Variants in ZFHX3 observed in about 807,000 individuals in gnomAD.
ZFHX3 encodes zinc finger homeobox protein 3.
A neutral mutation model predicts 279.1 loss-of-function variants in ZFHX3; 42 were observed. That is an observed-to-expected ratio of 0.15 (90% CI 0.12 to 0.19). ZFHX3 has a LOEUF of 0.19. Among genes scored for constraint, ZFHX3 ranks in the 10% least tolerant of loss-of-function variants. The probability of loss-of-function intolerance (pLI) is 1.00; values close to 1 mark genes in which losing one functional copy is unlikely to be tolerated. For missense variants in ZFHX3, 4,981 were observed against 4,754.0 expected (o/e 1.05, Z -1.40); for synonymous variants, 2,293 against 1,957.8 (o/e 1.17, Z -4.52).
At chr16:73,631,921 TCTCTCTCA>T (rs1186199006) in intron 2 of ZFHX3, among the ~76,000 whole-genome samples, 35 of 105,918 alleles carry the variant, frequency 3.3e-4, no homozygotes, top group African/African-American at 1.0e-3. Flanking sequence ...TCTCTCTCTC[TCTCTCTCA>T]CACACACACA....
At position 73,725,095 on chromosome 16, in the gene ZFHX3, G is replaced by A. The variant is rs1368037927; in HGVS notation, c.-1607-44855C>T. Among the ~76,000 whole-genome samples, 4 of 152,326 alleles carry A rather than the reference G, an allele frequency of 2.6e-5. No individual in the cohort carries two copies. In the East Asian group the frequency reaches 5.8e-4, roughly 22 times the overall value. Reference sequence around the variant, plus strand: ...CACCAGAAAGGGCCTCAGTCGAGATGTAGAAAGCAACTTTTTAACCGGCGT... The same window carrying A: ...CACCAGAAAGGGCCTCAGTCGAGATATAGAAAGCAACTTTTTAACCGGCGT... On this transcript the variant is annotated intron_variant, in intron 1 of 17. Transcript: ENST00000641206.
chr16:73,743,969 C>G lies in ZFHX3; in HGVS notation c.-1607-63729G>C, dbSNP rs150160987. Among the ~76,000 whole-genome samples the G allele has an allele frequency of 4.7e-3, 719 of 152,274 alleles. 1 individual carries two copies. Among genetic ancestry groups the G allele is most frequent in the Middle Eastern group, 6.8e-3 (2 of 294 alleles). On this transcript the variant is annotated intron_variant, in intron 1 of 17. Transcript: ENST00000641206. Reference sequence around the variant, plus strand: ...CATTAAGGATCCAGAATGACATCCTCTCTACATAACAGTCTTCATGCTCAA... The same window carrying G: ...CATTAAGGATCCAGAATGACATCCTGTCTACATAACAGTCTTCATGCTCAA...
chr16:73,665,808 CTTTTTTTT>C (rs527815602), intron 2 of ZFHX3, among the ~76,000 whole-genome samples: 2 of 90,514 alleles, frequency 2.2e-5, no homozygotes, highest in Non-Finnish European at 4.1e-5. Context: ...TCTTCAATAA[CTTTTTTTT>C]TTTTTTTTTT....
intron 1 of ZFHX3, among the ~76,000 whole-genome samples, chr16:73,782,424 G>A (rs1238797078): frequency 1.3e-5 from 2 of 152,146 alleles, no homozygotes; most frequent in African/African-American, 4.8e-5. Context: ...CATTATCCCT[G>A]GAAGCCTACT....
chr16:73,728,015 G>GCA (rs1555535413), intron 1 of ZFHX3, among the ~76,000 whole-genome samples: 8 of 75,484 alleles, frequency 1.1e-4, no homozygotes, highest in South Asian at 7.3e-4. Context: ...GCCGAATTGT[G>GCA]CCCCCCCCCC....
intron 2 of ZFHX3, among the ~76,000 whole-genome samples, chr16:73,636,850 T>G (rs942201306): frequency 6.6e-6 from 1 of 152,196 alleles, no homozygotes; most frequent in African/African-American, 2.4e-5. Flanking sequence ...TCTATAACTT[T>G]AGTATCACTA....
intron 1 of ZFHX3, among the ~76,000 whole-genome samples, chr16:72,990,217 G>A (rs759850516): frequency 1.3e-5 from 2 of 152,198 alleles, no homozygotes; most frequent in South Asian, 2.1e-4. Context: ...CAGTAAACCC[G>A]TCCCTTGGCA....
chr16:73,373,705 A>G (rs2016672899), intron 3 of ZFHX3, among the ~76,000 whole-genome samples: 1 of 152,236 alleles, frequency 6.6e-6, no homozygotes, highest in African/African-American at 2.4e-5. Context: ...TCTGTGCCTC[A>G]GGCCATGCCT....
At chr16:73,051,112 C>A (rs1965441746), upstream of ZFHX3, among the ~76,000 whole-genome samples, 1 of 152,208 alleles carries the variant, frequency 6.6e-6, no homozygotes, top group African/African-American at 2.4e-5. Context: ...TCCAGCGTAA[C>A]CTGGGCTCTC....
intron 5 of ZFHX3, among the ~76,000 whole-genome samples, chr16:73,251,653 A>T (rs981489574): frequency 3.3e-5 from 5 of 152,158 alleles, no homozygotes; most frequent in South Asian, 4.1e-4. Context: ...TAGGTTAGGG[A>T]CAAGAGTAAA....
intron 8 of ZFHX3, chr16:73,083,216 CA>C: frequency 6.6e-6 from 1 of 152,552 alleles, no homozygotes; most frequent in Non-Finnish European, 1.5e-5. Context: ...AAAAGCGAAA[CA>C]AAAAAACCCC....
chr16:72,811,578 G>A lies in ZFHX3; in HGVS notation c.3863C>T (p.Thr1288Met), dbSNP rs1395722106. The A allele has an allele frequency of 1.6e-5, 26 of 1,586,700 alleles. 1 individual carries two copies. Among genetic ancestry groups the A allele is most frequent in the South Asian group, 2.3e-5 (2 of 86,290 alleles). ...GGGTGCTGCTCCTGGCTGCCTTACC[G>A]TCATAATGAGCTTCTCCACGCAGTC... ...APDCVEKLIMTVTTPEMVMPS... is the reference protein window; with the variant it reads ...APDCVEKLIMMVTTPEMVMPS... The change falls in exon 7 of 10, where the codon ACG becomes ATG. Residue 1288 changes from threonine to methionine, a missense_variant and splice_region_variant. Around this residue, in one of 7 missense-constraint regions of ZFHX3, gnomAD observed 1,751 missense variants for 1,770.0 expected, o/e 0.99. Coordinates refer to ENST00000268489, the MANE Select transcript of ZFHX3 (RefSeq NM_006885.4).
intron 5 of ZFHX3, among the ~76,000 whole-genome samples, chr16:73,244,320 C>T (rs1049491284): frequency 2.0e-5 from 3 of 152,022 alleles, no homozygotes; most frequent in Non-Finnish European, 4.4e-5. Flanking sequence ...GGGTACAGGA[C>T]GCCTTCCACT....
At chr16:73,886,104 A>G (rs1379111384) in intron 1 of ZFHX3, among the ~76,000 whole-genome samples, 1 of 152,210 alleles carries the variant, frequency 6.6e-6, no homozygotes, top group Non-Finnish European at 1.5e-5. Flanking sequence ...CAAATCGTCA[A>G]TGACTTTTAA....
intron 7 of ZFHX3, among the ~76,000 whole-genome samples, chr16:73,126,342 G>A (rs925666700): frequency 6.6e-6 from 1 of 152,140 alleles, no homozygotes; most frequent in Non-Finnish European, 1.5e-5. Flanking sequence ...GGTGATGAGG[G>A]CTTGAATGAG....
chr16:73,271,747 C>A (rs2014150760), intron 4 of ZFHX3, among the ~76,000 whole-genome samples: 1 of 152,190 alleles, frequency 6.6e-6, no homozygotes, highest in Non-Finnish European at 1.5e-5. Context: ...TTGACACCTA[C>A]CCGTCTTCTG....
intron 2 of ZFHX3, chr16:73,554,434 T>C (rs1475423124): frequency 6.6e-6 from 1 of 152,184 alleles, no homozygotes; most frequent in East Asian, 1.9e-4. Context: ...AAACCAGACG[T>C]ATATGAATAA....
chr16:73,682,938 G>C (rs1482625902), intron 1 of ZFHX3, among the ~76,000 whole-genome samples: 2 of 20,156 alleles, frequency 9.9e-5, no homozygotes, highest in South Asian at 5.0e-3. Flanking sequence ...AAGAAAGAAA[G>C]AAAGAAAGAA....
intron 4 of ZFHX3, among the ~76,000 whole-genome samples, chr16:72,857,633 C>T (rs1429340717): frequency 3.3e-5 from 5 of 152,178 alleles, no homozygotes; most frequent in Admixed American, 6.5e-5. Context: ...TGTAGTGAAC[C>T]GCGATCGTGC....
Sources: gnomAD v4.1 joint callset for allele counts (sites outside exome capture counted in the v4.1 genomes callset) on GRCh38, gnomAD v4.1.1 for gene constraint, gnomAD v4.1.1 regional missense constraint, MANE v1.5 for transcripts, NCBI Gene and HGNC (gene_info 2026-07-23, HGNC 2026-07-21) for gene names.